The following LHFPL3 variants were observed in gnomAD, a reference collection of about 807,000 sequenced individuals.
The protein encoded by LHFPL3 is LHFPL tetraspan subfamily member 3 protein.
LHFPL3 carries 5 observed loss-of-function variants against 19.3 expected under a neutral mutation model. The observed-to-expected ratio is 0.26, with a 90% CI of 0.14 to 0.54. The LOEUF (loss-of-function observed/expected upper bound fraction) is 0.54. Ranked by LOEUF, LHFPL3 falls within the 20% of genes least tolerant of loss-of-function variation. The pLI is 0.94. For missense variants in LHFPL3, 249 were observed against 307.4 expected, an observed-to-expected ratio of 0.81 and a Z score of 1.42; for synonymous variants, 133 against 126.2, an observed-to-expected ratio of 1.05 and a Z score of -0.36.
intron 1 of LHFPL3, among the ~76,000 whole-genome samples, chr7:104,693,617 G>C (rs1052925532): frequency 6.6e-6 from 1 of 151,966 alleles, no homozygotes; most frequent in Non-Finnish European, 1.5e-5. Context: ...GTGAAGAGGT[G>C]CCTCCCACCA....
At chr7:104,419,582 G>C (rs1562891511) in intron 1 of LHFPL3, among the ~76,000 whole-genome samples, 1 of 152,170 alleles carries the variant, frequency 6.6e-6, no homozygotes, top group Non-Finnish European at 1.5e-5. Context: ...AAGAGAAATA[G>C]ATCTGAGGAG....
intron 1 of LHFPL3, among the ~76,000 whole-genome samples, chr7:104,575,439 G>A (rs117999078): frequency 0.028 from 4,285 of 151,596 alleles, 91 homozygotes; most frequent in Middle Eastern, 0.068. Flanking sequence ...GTAGCTAGAC[G>A]CTTCTGACCA....
intron 1 of LHFPL3, among the ~76,000 whole-genome samples, chr7:104,345,851 A>G (rs2116376949): frequency 6.6e-6 from 1 of 152,178 alleles, no homozygotes; most frequent in Middle Eastern, 3.4e-3. Flanking sequence ...ATTTTCTATG[A>G]TATGAAAAAG....
chr7:104,701,730 A>G (rs1793105755), intron 1 of LHFPL3, among the ~76,000 whole-genome samples: 1 of 152,196 alleles, frequency 6.6e-6, no homozygotes, highest in Non-Finnish European at 1.5e-5. Flanking sequence ...CTATAATTTT[A>G]TAATGACATA....
Position 104,639,229 on chromosome 7 carries a change from A to G in LHFPL3, c.446-97446A>G, listed in dbSNP as rs116507602. Among the ~76,000 whole-genome samples the G allele has an allele frequency of 7.2e-3, 1,093 of 152,210 alleles. 13 individuals carry two copies. Among genetic ancestry groups the G allele is most frequent in the African/African-American group, 0.025 (1,019 of 41,528 alleles). ...TGGGCTTTTTTTGGATTGGTAGCCTATTTATTACTCATTCAATTTCAGAGT... is the reference window on the plus strand; with the variant it reads ...TGGGCTTTTTTTGGATTGGTAGCCTGTTTATTACTCATTCAATTTCAGAGT... On this transcript the variant is annotated intron_variant, in intron 1 of 2. Coordinates refer to ENST00000424859, the MANE Select transcript of LHFPL3 (RefSeq NM_199000.3).
At chr7:104,892,811 AT>A (rs2116708507) in intron 2 of LHFPL3, among the ~76,000 whole-genome samples, 2 of 151,898 alleles carry the variant, frequency 1.3e-5, no homozygotes, top group South Asian at 4.1e-4. Context: ...ATATAAACAT[AT>A]TTGATTTTCA....
At chr7:104,609,172 G>A (rs2115739445) in intron 1 of LHFPL3, among the ~76,000 whole-genome samples, 1 of 152,170 alleles carries the variant, frequency 6.6e-6, no homozygotes, top group South Asian at 2.1e-4. Flanking sequence ...GGCTGAGGTA[G>A]GAGAATTGCT....
At chr7:104,604,240 G>T (rs943329047) in intron 1 of LHFPL3, among the ~76,000 whole-genome samples, 3 of 152,164 alleles carry the variant, frequency 2.0e-5, no homozygotes, top group African/African-American at 7.2e-5. Context: ...CATAAGCCTC[G>T]CCTGACCCTG....
chr7:104,870,486 G>T (rs1791812776), intron 2 of LHFPL3, among the ~76,000 whole-genome samples: 1 of 152,182 alleles, frequency 6.6e-6, no homozygotes, highest in Non-Finnish European at 1.5e-5. Flanking sequence ...CTCTTAGCAT[G>T]GAGCCTGCTT....
At chr7:104,864,632 GGCCT>G (rs1347051340) in intron 2 of LHFPL3, among the ~76,000 whole-genome samples, 1 of 152,218 alleles carries the variant, frequency 6.6e-6, no homozygotes, top group African/African-American at 2.4e-5. Context: ...AGCTCAAGGA[GGCCT>G]GCCTGCCTCT....
intron 2 of LHFPL3, among the ~76,000 whole-genome samples, chr7:104,877,969 G>A (rs1418692056): frequency 6.6e-6 from 1 of 152,040 alleles, no homozygotes; most frequent in African/African-American, 2.4e-5. Flanking sequence ...GAGTAGCTGG[G>A]ACTACAGGCG....
intron 2 of LHFPL3, among the ~76,000 whole-genome samples, chr7:104,892,938 TG>T (rs1442243059): frequency 6.6e-6 from 1 of 152,120 alleles, no homozygotes; most frequent in East Asian, 1.9e-4. Context: ...CTGTATAGGC[TG>T]GGCACAGTGG....
intron 2 of LHFPL3, among the ~76,000 whole-genome samples, chr7:104,750,724 G>T (rs1034476164): frequency 1.7e-4 from 26 of 152,304 alleles, no homozygotes; most frequent in Non-Finnish European, 3.8e-4. Flanking sequence ...TTGTATTGTG[G>T]TAACTGGCTT....
intron 1 of LHFPL3, among the ~76,000 whole-genome samples, chr7:104,551,170 C>A (rs1794657096): frequency 6.6e-6 from 1 of 152,048 alleles, no homozygotes; most frequent in Non-Finnish European, 1.5e-5. Context: ...TATAAAAAAA[C>A]AACTATTAAG....
rs201858380 is a variant in LHFPL3 at position 104,368,719 on chromosome 7, AC to A, written c.445+39497del. Reference sequence around the variant, plus strand: ...TTTTGTCTGCATGGCCTTCCCAAAGACCAACAATTTTGTGGTTTCCATGTGG... The same window carrying A: ...TTTTGTCTGCATGGCCTTCCCAAAGACAACAATTTTGTGGTTTCCATGTGG... On this transcript the variant is annotated intron_variant, in intron 1 of 2. Coordinates refer to ENST00000424859, the MANE Select transcript of LHFPL3 (RefSeq NM_199000.3). Among the ~76,000 whole-genome samples the A allele has an allele frequency of 1.4e-4, 21 of 151,776 alleles. 1 individual carries two copies. In the East Asian group the frequency reaches 3.7e-3, roughly 27 times the overall value.
At chr7:104,529,027 C>T (rs528312027) in intron 1 of LHFPL3, among the ~76,000 whole-genome samples, 26 of 152,294 alleles carry the variant, frequency 1.7e-4, no homozygotes, top group Non-Finnish European at 3.4e-4. Flanking sequence ...CTGTCTCCAG[C>T]CTCAGGCTCT....
At chr7:104,593,589 A>G (rs1236331538) in intron 1 of LHFPL3, among the ~76,000 whole-genome samples, 1 of 152,090 alleles carries the variant, frequency 6.6e-6, no homozygotes, top group Non-Finnish European at 1.5e-5. Flanking sequence ...GGTCCTGGAT[A>G]TCCTTGTTAA....
intron 2 of LHFPL3, among the ~76,000 whole-genome samples, chr7:104,892,708 C>CAAAAA (rs35855839): frequency 1.5e-5 from 1 of 68,476 alleles, no homozygotes; most frequent in African/African-American, 6.0e-5. Context: ...GAGACTGTCT[C>CAAAAA]AAAAAAAAAA....
At chr7:104,812,803 C>CAA (rs59809377) in intron 2 of LHFPL3, among the ~76,000 whole-genome samples, 1 of 31,338 alleles carries the variant, frequency 3.2e-5, no homozygotes, top group Admixed American at 5.8e-4. Context: ...GACTCCATCT[C>CAA]AAAAAAAAAA....
Sources: gnomAD v4.1 joint callset for allele counts (sites outside exome capture counted in the v4.1 genomes callset) on GRCh38, gnomAD v4.1.1 for gene constraint, MANE v1.5 for transcripts, NCBI Gene and HGNC (gene_info 2026-07-23, HGNC 2026-07-21) for gene names.